Variants in FBXO24 observed in about 807,000 individuals in gnomAD.
The protein encoded by FBXO24 is F-box protein 24.
A neutral mutation model predicts 63.5 loss-of-function variants in FBXO24; 30 were observed. The ratio of observed to expected loss-of-function variants is 0.47; its 90% CI spans 0.35 to 0.64. The LOEUF (loss-of-function observed/expected upper bound fraction) is 0.64, where lower values mean the gene tolerates loss of function less well. Among genes scored for constraint, FBXO24 ranks in the 30% least tolerant of loss-of-function variants. The probability of loss-of-function intolerance (pLI) is 0.00; values close to 1 mark genes in which losing one functional copy is unlikely to be tolerated. For missense variants in FBXO24, 624 were observed against 763.4 expected, an observed-to-expected ratio of 0.82 and a Z score of 2.15; for synonymous variants, 300 against 305.0, an observed-to-expected ratio of 0.98 and a Z score of 0.17.
At chr7:100,595,459 T>C (rs1483335429) in intron 7 of FBXO24, 116 bp from the exon 8 acceptor site, 2 of 1,298,204 alleles carry the variant, frequency 1.5e-6, no homozygotes, top group East Asian at 4.9e-5. Flanking sequence ...ATCTCTAAAA[T>C]ATATATATAG....
chr7:100,590,877 C>G (rs979454424), intron 3 of FBXO24, among the ~76,000 whole-genome samples: 1 of 152,120 alleles, frequency 6.6e-6, no homozygotes, highest in Non-Finnish European at 1.5e-5. Flanking sequence ...AGGGATCCCC[C>G]AGGGTGTACT....
rs1159705438 is a variant in FBXO24, at chr7:100,592,892, G to A, written c.668G>A (p.Cys223Tyr). The A allele has an allele frequency of 1.1e-5, 18 of 1,614,116 alleles. No homozygotes were observed. The highest frequency in any genetic ancestry group is 2.2e-5 in the South Asian group (2 of 91,090). Residue 223 changes from cysteine (C) to tyrosine (Y), a missense_variant, in exon 5 of 10, where the codon TGT becomes TAT. By Grantham distance (194) the Cys-to-Tyr change is radical. Coordinates refer to ENST00000241071, the MANE Select transcript of FBXO24 (RefSeq NM_033506.3). ...VGTTSSRACD[C>Y]VEVYLQSSGQ... ...ACCACCAGCAGCCGGGCCTGTGACT[G>A]TGTTGAGGTCTATCTGCAGTCTAGT...
intron 1 of FBXO24, among the ~76,000 whole-genome samples, chr7:100,588,913 A>C (rs1801871781): frequency 6.6e-6 from 1 of 151,998 alleles, no homozygotes; most frequent in Admixed American, 6.6e-5. Context: ...GCTGCCTCAA[A>C]CTGGGCTCAA....
intron 3 of FBXO24, 137 bp from the exon 4 acceptor site, chr7:100,591,530 A>T: frequency 1.4e-6 from 1 of 699,120 alleles, no homozygotes. Flanking sequence ...CTCCTTCATA[A>T]GGGGTCTGTT....
chr7:100,599,947 G>A (rs572301430), intron 8 of FBXO24, 84 bp from the exon 9 acceptor site: 40 of 1,465,928 alleles, frequency 2.7e-5, no homozygotes, highest in African/African-American at 2.7e-4. Context: ...ATTCTGCCCC[G>A]AGCCTTCCAG....
intron 8 of FBXO24, 134 bp downstream of exon 8, chr7:100,595,840 A>C (rs1584430185): frequency 8.1e-7 from 1 of 1,238,670 alleles, no homozygotes; most frequent in East Asian, 2.5e-5. Context: ...TCAGTATGTA[A>C]TGCCAGTGGT....
In FBXO24 at chr7:100,586,476, G is replaced by A. The variant is rs1801757427; in HGVS notation, c.-150G>A. On this transcript the variant is annotated 5_prime_UTR_variant, in exon 1 of 10. Transcript: ENST00000241071. The stretch of plus-strand genomic sequence containing the variant: ...CCACTAGCAGGAAAACGGGCCGAGG[G>A]ACCGCAAGCAGGGGGTGCCTAGTCC... 1.2e-6 allele frequency: 1 copy of A among 802,128 alleles called. No homozygotes were observed. The highest frequency in any genetic ancestry group is 1.7e-5 in the African/African-American group (1 of 58,544). The allele number at this position is 802,128 out of a possible 1,614,324, so 49.7% of individuals were successfully genotyped here.
chr7:100,600,009 G>T lies in FBXO24; in HGVS notation c.1207-22G>T. 1 of 1,600,104 alleles carries T rather than the reference G, an allele frequency of 6.2e-7. No homozygotes were observed. Among genetic ancestry groups the T allele is most frequent in the African/African-American group, 1.3e-5 (1 of 74,784 alleles). ...CGTCCCTTGGTGCTCCCTGCTCAGGGACCCTGGCCGTGTGTCCCCAGGTTT... is the reference window on the plus strand; with the variant it reads ...CGTCCCTTGGTGCTCCCTGCTCAGGTACCCTGGCCGTGTGTCCCCAGGTTT... On this transcript the variant is annotated intron_variant, in intron 8 of 9. Coordinates refer to ENST00000241071, the MANE Select transcript of FBXO24 (RefSeq NM_033506.3). The surrounding 1 kb of genome is among the most constrained non-coding windows in gnomAD (Gnocchi z 6.3).
chr7:100,593,085 G>A (rs1224816408), intron 5 of FBXO24, 68 bp downstream of exon 5: 6 of 1,355,468 alleles, frequency 4.4e-6, no homozygotes, highest in Admixed American at 3.8e-5. Flanking sequence ...CTGCAGAGGA[G>A]GGGGAGGGAG....
In FBXO24 at chr7:100,600,295, C is replaced by T; in HGVS notation, c.1377+94C>T. 7.0e-7 allele frequency: 1 copy of T among 1,422,428 alleles called. No homozygotes were observed. Among genetic ancestry groups the T allele is most frequent in the Non-Finnish European group, 9.3e-7 (1 of 1,073,788 alleles). 88.1% of individuals were successfully genotyped at this position (1,422,428 alleles called of 1,614,324 possible). A position where few individuals can be genotyped will look rare whatever the true frequency, so the allele number is the denominator to read the frequency against. ...TGTAGCTGGGGCTCCTGCAGGGACC[C>T]AGGGGGTCCCATTTCCCTAGCACCA... On this transcript the variant is annotated intron_variant, in intron 9 of 9. Coordinates refer to ENST00000241071, the MANE Select transcript of FBXO24 (RefSeq NM_033506.3). This position sits in a 1 kb window ranked among gnomAD's most constrained non-coding sequence, Gnocchi z 6.3.
rs192513725 is a variant in FBXO24, at chr7:100,598,911, G to A, written c.1207-1120G>A. Among the ~76,000 whole-genome samples, 28 of 151,864 alleles carry A rather than the reference G, an allele frequency of 1.8e-4. No individual in the cohort carries two copies. The East Asian group carries it at 5.2e-3, about 28-fold the overall frequency. ...GGAGAATTGCTTGAACTGGAGAGGCGGAGGTTGCAGTGAACTGAAATCGTG... is the reference window on the plus strand; with the variant it reads ...GGAGAATTGCTTGAACTGGAGAGGCAGAGGTTGCAGTGAACTGAAATCGTG... On this transcript the variant is annotated intron_variant, in intron 8 of 9. Coordinates refer to ENST00000241071, the MANE Select transcript of FBXO24 (RefSeq NM_033506.3).
chr7:100,599,987 C>T (rs749879133), intron 8 of FBXO24, 44 bp from the exon 9 acceptor site: 1 of 1,364,926 alleles, frequency 7.3e-7, no homozygotes, highest in Non-Finnish European at 1.0e-6. Context: ...GCCCCCCCGT[C>T]CCTTGGTGCT....
chr7:100,586,425 A>G lies in FBXO24; in HGVS notation c.-201A>G, dbSNP rs980917391. Reference sequence around the variant, plus strand: ...TCGGGAGGTGGAGCCAATCAGGTCCAACCAAGAGGAGGGGACACCGGCACT... The same window carrying G: ...TCGGGAGGTGGAGCCAATCAGGTCCGACCAAGAGGAGGGGACACCGGCACT... On this transcript the variant is annotated 5_prime_UTR_variant, in exon 1 of 10. Coordinates refer to ENST00000241071, the MANE Select transcript of FBXO24 (RefSeq NM_033506.3). 1.4e-5 allele frequency: 9 copies of G among 652,128 alleles called. No homozygotes were observed. The highest frequency in any genetic ancestry group is 9.1e-5 in the African/African-American group (5 of 55,130). The allele number at this position is 652,128 out of a possible 1,614,324, so 40.4% of individuals were successfully genotyped here.
chr7:100,599,976 A>ACCCCC, intron 8 of FBXO24, 55 bp from the exon 9 acceptor site: 4 of 744,310 alleles, frequency 5.4e-6, no homozygotes, highest in Non-Finnish European at 9.0e-6. Flanking sequence ...TTCCCACCCC[A>ACCCCC]GCCCCCCCGT....
chr7:100,586,485 CA>C lies in FBXO24; in HGVS notation c.-140del, dbSNP rs916896016. On this transcript the variant is annotated 5_prime_UTR_variant, in exon 1 of 10. An upstream open reading frame in the 5' UTR loses its in-frame stop. Coordinates refer to ENST00000241071, the MANE Select transcript of FBXO24 (RefSeq NM_033506.3). ...GGAAAACGGGCCGAGGGACCGCAAG[CA>C]GGGGGTGCCTAGTCCTCGTCCCCCA... 1.2e-6 allele frequency: 1 copy of C among 856,186 alleles called. No homozygotes were observed. The highest frequency in any genetic ancestry group is 1.7e-5 in the African/African-American group (1 of 59,514). The allele number at this position is 856,186 out of a possible 1,614,324, so 53.0% of individuals were successfully genotyped here.
chr7:100,598,646 G>T (rs778058330), intron 8 of FBXO24, among the ~76,000 whole-genome samples: 1 of 152,170 alleles, frequency 6.6e-6, no homozygotes, highest in Non-Finnish European at 1.5e-5. Flanking sequence ...TCAAAAACAG[G>T]GTGGCCATTT....
In FBXO24 at chr7:100,588,868, C is replaced by T. The variant is rs61014202; in HGVS notation, c.40-1109C>T. The stretch of plus-strand genomic sequence containing the variant: ...TTTGAAACTGGGTATCATTCTCGCC[C>T]GGGCTGGAGTGCAGTGGCACGATCA... On this transcript the variant is annotated intron_variant, in intron 1 of 9. Coordinates refer to ENST00000241071, the MANE Select transcript of FBXO24 (RefSeq NM_033506.3). Among the ~76,000 whole-genome samples the T allele has an allele frequency of 6.7e-3, 1,014 of 152,226 alleles. 18 individuals carry two copies. The highest frequency in any genetic ancestry group is 0.024 in the African/African-American group (978 of 41,542).
Position 100,594,116 on chromosome 7 carries a change from C to G in FBXO24, c.794-267C>G, listed in dbSNP as rs1030645583. 3.9e-5 allele frequency among the ~76,000 whole-genome samples: 6 copies of G among 152,182 alleles called. No homozygotes were observed. Among genetic ancestry groups the G allele is most frequent in the Non-Finnish European group, 8.8e-5 (6 of 68,006 alleles). On this transcript the variant is annotated intron_variant, in intron 5 of 9. Coordinates refer to ENST00000241071, the MANE Select transcript of FBXO24 (RefSeq NM_033506.3). The surrounding 1 kb of genome is among the most constrained non-coding windows in gnomAD (Gnocchi z 4.2). ...CTAAACTTCTGAATGCCAGGCAGGG[C>G]CCTCAATCCCCAGACCTCTCACTCA...
At chr7:100,588,005 C>T (rs1372114459) in intron 1 of FBXO24, among the ~76,000 whole-genome samples, 5 of 152,070 alleles carry the variant, frequency 3.3e-5, no homozygotes, top group Admixed American at 1.3e-4. Context: ...ACCTCAGCCT[C>T]CCGAGTAACT....
Sources: allele counts gnomAD v4.1 joint callset (sites outside exome capture counted in the v4.1 genomes callset), GRCh38; gene constraint gnomAD v4.1.1; non-coding constraint Gnocchi (gnomAD v3.1); transcripts MANE v1.5; gene names NCBI Gene and HGNC (gene_info 2026-07-23, HGNC 2026-07-21).